The following MMP2 variants were observed in gnomAD, a reference collection of about 807,000 sequenced individuals.
The protein encoded by MMP2 is matrix metallopeptidase 2.
In MMP2, 39 loss-of-function variants were observed where a neutral mutation model predicts 74.8. The ratio of observed to expected loss-of-function variants is 0.52; its 90% CI spans 0.40 to 0.68. The LOEUF (loss-of-function observed/expected upper bound fraction) is 0.68, where lower values mean the gene tolerates loss of function less well. Among genes scored for constraint, MMP2 ranks in the 30% least tolerant of loss-of-function variants. The probability of loss-of-function intolerance (pLI) is 0.00; values close to 1 mark genes in which losing one functional copy is unlikely to be tolerated. For missense variants in MMP2, 803 were observed against 878.3 expected (o/e 0.91, Z 1.08); for synonymous variants, 367 against 339.8 (o/e 1.08, Z -0.88).
intron 7 of MMP2, among the ~76,000 whole-genome samples, chr16:55,490,174 C>T (rs1356386759): frequency 2.0e-5 from 3 of 152,218 alleles, no homozygotes; most frequent in Non-Finnish European, 4.4e-5. Flanking sequence ...CCAAAATTGG[C>T]TGAATTCTGA....
At chr16:55,485,855 C>A in intron 5 of MMP2, 78 bp downstream of exon 5, 3 of 1,465,484 alleles carry the variant, frequency 2.0e-6, no homozygotes, top group Non-Finnish European at 1.9e-6. Flanking sequence ...GCTCTTCCCT[C>A]CACACTCTCC....
rs532354333 is a variant in MMP2, at chr16:55,499,179, A to AAG, written c.1769+732_1769+733insGA. Among the ~76,000 whole-genome samples the AAG allele has an allele frequency of 5.0e-3, 764 of 151,728 alleles. 10 individuals are homozygous for AAG. Among genetic ancestry groups the AAG allele is most frequent in the African/African-American group, 0.017 (722 of 41,370 alleles). On this transcript the variant is annotated intron_variant, in intron 11 of 12. Coordinates refer to ENST00000219070, the MANE Select transcript of MMP2 (RefSeq NM_004530.6). Reference sequence around the variant, plus strand: ...GTGAGACTCCAACTCAAAAAAAAAAAAAAGAAAAAAGAAAGGTTAAGTAAC... The same window carrying AAG: ...GTGAGACTCCAACTCAAAAAAAAAAAAGAAAGAAAAAAGAAAGGTTAAGTAAC...
chr16:55,484,309 G>A (rs1470820737), intron 3 of MMP2, 145 bp downstream of exon 3: 1 of 941,190 alleles, frequency 1.1e-6, no homozygotes, highest in Non-Finnish European at 1.6e-6. Flanking sequence ...TGGTTTAGAT[G>A]GGGGCAGCAC....
intron 8 of MMP2, among the ~76,000 whole-genome samples, chr16:55,492,718 C>T (rs920190509): frequency 6.6e-6 from 1 of 152,030 alleles, no homozygotes; most frequent in African/African-American, 2.4e-5. Flanking sequence ...TCTTTGGACT[C>T]AGTTTCCTCA....
intron 9 of MMP2, 60 bp from the exon 10 acceptor site, chr16:55,496,866 T>C: frequency 1.2e-6 from 2 of 1,606,748 alleles, no homozygotes; most frequent in South Asian, 2.2e-5. Context: ...GGGGTGTGTG[T>C]GGTTCGAGCT....
intron 1 of MMP2, chr16:55,480,421 G>C (rs1033520979): frequency 2.0e-5 from 3 of 152,222 alleles, no homozygotes; most frequent in Non-Finnish European, 4.4e-5. Flanking sequence ...GAGGAGGAGT[G>C]GGGCAGGCGC....
At chr16:55,481,375 A>G (rs958856984) in intron 1 of MMP2, among the ~76,000 whole-genome samples, 1 of 152,238 alleles carries the variant, frequency 6.6e-6, no homozygotes, top group Non-Finnish European at 1.5e-5. Flanking sequence ...ATGCTAATAC[A>G]TTATAATTAG....
At position 55,496,946 on chromosome 16, in the gene MMP2, C is replaced by T. The variant is rs764961297; in HGVS notation, c.1493C>T (p.Thr498Met). The change falls in exon 10 of 13, where the codon ACG becomes ATG. Residue 498 changes from threonine (T) to methionine (M), a missense_variant. Around this residue, in one of 3 missense-constraint regions of MMP2, gnomAD observed 555 missense variants for 592.0 expected, o/e 0.94. Coordinates refer to ENST00000219070, the MANE Select transcript of MMP2 (RefSeq NM_004530.6). ...GCCAGGTTCATTTGGCGGACTGTGA[C>T]GCCACGTGACAAGCCCATGGGGCCC... ...FKDRFIWRTVTPRDKPMGPLL... is the reference protein window; with the variant it reads ...FKDRFIWRTVMPRDKPMGPLL... 51 of 1,613,968 alleles carry T rather than the reference C, an allele frequency of 3.2e-5. No homozygotes were observed. The highest frequency in any genetic ancestry group is 1.2e-4 in the Admixed American group (7 of 60,012).
intron 5 of MMP2, chr16:55,486,686 T>G (rs1962269712): frequency 3.3e-5 from 5 of 152,154 alleles, no homozygotes. Context: ...TCATACTCTA[T>G]GAAGTCATCA....
chr16:55,500,461 A>G (rs1277659828), intron 11 of MMP2, among the ~76,000 whole-genome samples: 2 of 146,642 alleles, frequency 1.4e-5, no homozygotes, highest in African/African-American at 5.1e-5. Context: ...TGTTCCTAGC[A>G]TATAGGAACA....
At chr16:55,499,049 A>G (rs1486038394) in intron 11 of MMP2, among the ~76,000 whole-genome samples, 1 of 151,972 alleles carries the variant, frequency 6.6e-6, no homozygotes, top group East Asian at 1.9e-4. Flanking sequence ...CATGCCTGCA[A>G]TCCCAGCTAC....
In MMP2 at chr16:55,485,421, G is replaced by A. The variant is rs774031328; in HGVS notation, c.652G>A (p.Gly218Ser). The change falls in exon 4 of 13, where the codon GGC becomes AGC. Residue 218 changes from glycine (G) to serine (S), a missense_variant. Physicochemically the swap from Gly to Ser is moderately conservative, Grantham distance 56 (BLOSUM62 0). This residue lies in a region of MMP2 where 555 missense variants were observed against 592.0 expected (regional missense o/e 0.94). Transcript: ENST00000219070. ...DDDELWTLGE[G>S]QVVRVKYGNA... ...CGATGAGCTATGGACCTTGGGAGAAGGCCAAGGTGAGAAAGGGGCCCTCTG... is the reference window on the plus strand; with the variant it reads ...CGATGAGCTATGGACCTTGGGAGAAAGCCAAGGTGAGAAAGGGGCCCTCTG... The A allele has an allele frequency of 6.8e-6, 11 of 1,614,004 alleles. No individual in the cohort carries two copies. The highest frequency in any genetic ancestry group is 1.3e-5 in the African/African-American group (1 of 74,904).
intron 9 of MMP2, 102 bp downstream of exon 9, chr16:55,493,395 T>C: frequency 6.7e-7 from 1 of 1,501,734 alleles, no homozygotes; most frequent in Non-Finnish European, 9.2e-7. Context: ...CGCCAAATGC[T>C]TCCCAGAATG....
intron 4 of MMP2, 67 bp from the exon 5 acceptor site, chr16:55,485,537 G>A: frequency 6.2e-7 from 1 of 1,611,336 alleles, no homozygotes; most frequent in Non-Finnish European, 8.5e-7. Context: ...ATCTGGGTGA[G>A]TCAGAATCTT....
chr16:55,503,460 C>T (rs1962720043), intron 12 of MMP2, among the ~76,000 whole-genome samples: 1 of 151,782 alleles, frequency 6.6e-6, no homozygotes, highest in Non-Finnish European at 1.5e-5. Flanking sequence ...GAAATGGGTC[C>T]AGTTTGGCTT....
chr16:55,498,807 G>T (rs564045649), intron 11 of MMP2, among the ~76,000 whole-genome samples: 1 of 152,206 alleles, frequency 6.6e-6, no homozygotes, highest in Non-Finnish European at 1.5e-5. Flanking sequence ...ACTGTCCCAA[G>T]GGTTCTATGG....
At chr16:55,491,039 T>A (rs966906707) in intron 7 of MMP2, among the ~76,000 whole-genome samples, 3 of 151,418 alleles carry the variant, frequency 2.0e-5, no homozygotes, top group Admixed American at 2.0e-4. Context: ...ATGACATGGA[T>A]GGCCTTCTTC....
rs765644111 is a variant in MMP2 at position 55,482,953 on chromosome 16, C to T, written c.198C>T (p.Asn66=). The change falls in exon 2 of 13, where the codon AAC becomes AAT. Residue 66 remains asparagine (N), a synonymous_variant. Transcript: ENST00000219070. ...TFYGCPKESC[N]LFVLKDTLKK... The stretch of plus-strand genomic sequence containing the variant: ...ATGGCTGCCCCAAGGAGAGCTGCAA[C>T]CTGTTTGTGCTGAAGGACACACTAA... The T allele has an allele frequency of 6.2e-6, 10 of 1,614,090 alleles. No homozygotes were observed. The East Asian group carries it at 1.3e-4, about 22-fold the overall frequency.
chr16:55,498,486 G>C, intron 11 of MMP2, 38 bp downstream of exon 11: 1 of 1,613,804 alleles, frequency 6.2e-7, no homozygotes, highest in Non-Finnish European at 8.5e-7. Flanking sequence ...AGCACAGTTG[G>C]CTGCGAGAGA....
Sources: allele counts gnomAD v4.1 joint callset (sites outside exome capture counted in the v4.1 genomes callset), GRCh38; gene constraint gnomAD v4.1.1; regional missense constraint gnomAD v4.1.1; transcripts MANE v1.5; gene names NCBI Gene and HGNC (gene_info 2026-07-23, HGNC 2026-07-21).